NCAPH2: variants seen among roughly 807,000 people sequenced by gnomAD.
The protein encoded by NCAPH2 is non-SMC condensin II complex subunit H2, also known as condensin-2 complex subunit H2.
A neutral mutation model predicts 88.6 loss-of-function variants in NCAPH2; 56 were observed. That is an observed-to-expected ratio of 0.63 (90% CI 0.51 to 0.79). The LOEUF is 0.79. NCAPH2 is among the 30% of genes least tolerant of loss of function. The pLI, the probability that NCAPH2 is intolerant of heterozygous loss-of-function variation, is 0.00. For missense variants in NCAPH2, 794 were observed against 792.0 expected, an observed-to-expected ratio of 1.00 and a Z score of -0.03; for synonymous variants, 378 against 313.6, an observed-to-expected ratio of 1.21 and a Z score of -2.17.
chr22:50,517,676 C>T lies in NCAPH2; in HGVS notation c.351+15C>T. 1.2e-6 allele frequency: 2 copies of T among 1,614,146 alleles called. No individual in the cohort carries two copies. Among genetic ancestry groups the T allele is most frequent in the East Asian group, 2.2e-5 (1 of 44,888 alleles). ...CAGAGAATGAGGTGAGTTTCTTTGG[C>T]ATGTGGTCCCCGCCCACTGTGTGTT... is the stretch of plus-strand genomic sequence containing the variant. On this transcript the variant is annotated intron_variant, in intron 4 of 19. Coordinates refer to ENST00000420993, the MANE Select transcript of NCAPH2 (RefSeq NM_152299.4).
In NCAPH2 at chr22:50,511,492, CGT is replaced by C. The variant is rs1243992430; in HGVS notation, c.108+3050_108+3051del. 6.3e-5 allele frequency among the ~76,000 whole-genome samples: 9 copies of C among 141,758 alleles called. No individual in the cohort carries two copies. The South Asian group carries it at 1.7e-3, about 27-fold the overall frequency. The allele number at this position is 141,758 out of a possible 152,430, so 93.0% of individuals were successfully genotyped here. A position where few individuals can be genotyped will look rare whatever the true frequency, so the allele number is the denominator to read the frequency against. On this transcript the variant is annotated intron_variant, in intron 1 of 19. Transcript: ENST00000420993. ...TTTTTTAGTAGAGACGGGGTTTCAC[CGT>C]GTTAGCCAGGATGGTCTCGATCTCC...
rs1345914668 is a variant in NCAPH2, at chr22:50,523,349, G to A, written c.1792G>A (p.Ala598Thr). The A allele has an allele frequency of 4.5e-6, 7 of 1,557,942 alleles. No homozygotes were observed. Among genetic ancestry groups the A allele is most frequent in the African/African-American group, 2.7e-5 (2 of 73,442 alleles). ...AGCGCACAAGCGCTTCCAGACCTAC[G>A]CTGCCCCCTCCATGGCCCAGCCCTG... ...QRAHKRFQTY[A>T]APSMAQP Residue 598 changes from alanine (A) to threonine (T), a missense_variant, in exon 20 of 20, where the codon GCT becomes ACT. Around this residue, in one of 2 missense-constraint regions of NCAPH2, gnomAD observed 735 missense variants for 696.3 expected, o/e 1.06. Coordinates refer to ENST00000420993, the MANE Select transcript of NCAPH2 (RefSeq NM_152299.4).
At chr22:50,516,601 G>A in intron 2 of NCAPH2, 53 bp downstream of exon 2, 5 of 1,545,602 alleles carry the variant, frequency 3.2e-6, no homozygotes, top group Non-Finnish European at 4.5e-6. Context: ...TGGGACCACA[G>A]TCGGCTCTCC....
Position 50,516,501 on chromosome 22 carries a change from G to A in NCAPH2, c.163G>A (p.Glu55Lys). ...AGGCAAGACCACAATGAACTTCATTGAGGCAGCGTTGTTGATCCAGGGCTC... is the reference window on the plus strand; with the variant it reads ...AGGCAAGACCACAATGAACTTCATTAAGGCAGCGTTGTTGATCCAGGGCTC... ...DEGKTTMNFI[E>K]AALLIQGSAC... Residue 55 changes from glutamate to lysine, a missense_variant, in exon 2 of 20, where the codon GAG becomes AAG. Glu to Lys is a moderately conservative substitution (Grantham distance 56, BLOSUM62 1). Around this residue, in one of 2 missense-constraint regions of NCAPH2, gnomAD observed 59 missense variants for 95.7 expected, o/e 0.62. Transcript: ENST00000420993. The A allele has an allele frequency of 1.2e-6, 2 of 1,614,210 alleles. No homozygotes were observed. Among genetic ancestry groups the A allele is most frequent in the Non-Finnish European group, 1.7e-6 (2 of 1,180,036 alleles).
At chr22:50,512,786 T>C (rs1384106820) in intron 1 of NCAPH2, among the ~76,000 whole-genome samples, 1 of 152,178 alleles carries the variant, frequency 6.6e-6, no homozygotes, top group Non-Finnish European at 1.5e-5. Flanking sequence ...GCTCAAGTGA[T>C]CCACCTGCCT....
chr22:50,517,781 T>A lies in NCAPH2; in HGVS notation c.392T>A (p.Val131Glu). ...LDDFPDSRTN[V>E]DLKNDQTPSE... ...GACTTCCCTGACTCCCGGACTAACG[T>A]GGATCTCAAGAATGATCAGACGCCC... is the stretch of plus-strand genomic sequence containing the variant. Residue 131 changes from valine to glutamate, a missense_variant, in exon 5 of 20, where the codon GTG (valine) becomes GAG (glutamate). Transcript: ENST00000420993. The A allele has an allele frequency of 6.2e-7, 1 of 1,613,942 alleles. No homozygotes were observed.
chr22:50,513,800 TCA>T (rs1354669728), intron 1 of NCAPH2, among the ~76,000 whole-genome samples: 3 of 151,966 alleles, frequency 2.0e-5, no homozygotes, highest in African/African-American at 7.2e-5. Flanking sequence ...ACCGAAAAAA[TCA>T]CCAGAAACTT....
chr22:50,524,505 C>T lies in NCAPH2; in HGVS notation c.*1130C>T, dbSNP rs1325970507. On this transcript the variant is annotated 3_prime_UTR_variant, in exon 20 of 20. Transcript: ENST00000420993. ...GGCTGCCCCTGCGACTTGAGACCAGCCACCCATCTGAAGGACCCAGCCCAC... is the reference window on the plus strand; with the variant it reads ...GGCTGCCCCTGCGACTTGAGACCAGTCACCCATCTGAAGGACCCAGCCCAC... 15 of 1,331,794 alleles carry T rather than the reference C, an allele frequency of 1.1e-5. No homozygotes were observed. The East Asian group carries it at 3.0e-4, about 26-fold the overall frequency. 82.5% of individuals were successfully genotyped at this position (1,331,794 alleles called of 1,614,324 possible).
At position 50,522,490 on chromosome 22, in the gene NCAPH2, C is replaced by T. The variant is rs1263674558; in HGVS notation, c.1307-11C>T. 1.2e-6 allele frequency: 2 copies of T among 1,613,730 alleles called. No individual in the cohort carries two copies. Among genetic ancestry groups the T allele is most frequent in the East Asian group, 2.2e-5 (1 of 44,884 alleles). ...TGCCTGCGTGCTGTTCACTCTCCCACCTCCCAGCAGATGACTTTCTAGAGC... is the reference window on the plus strand; with the variant it reads ...TGCCTGCGTGCTGTTCACTCTCCCATCTCCCAGCAGATGACTTTCTAGAGC... On this transcript the variant is annotated splice_polypyrimidine_tract_variant and intron_variant, in intron 15 of 19. Transcript: ENST00000420993.
Position 50,519,179 on chromosome 22 carries a change from TC to T in NCAPH2, c.731-8del. The stretch of plus-strand genomic sequence containing the variant: ...TCCTTGGAGCTGATCACTCTCTTGC[TC>T]CCTGCCTAGGCCCCTCTCCAGAAGG... On this transcript the variant is annotated splice_polypyrimidine_tract_variant and intron_variant, in intron 8 of 19. Coordinates refer to ENST00000420993, the MANE Select transcript of NCAPH2 (RefSeq NM_152299.4). 1 of 1,601,716 alleles carries T rather than the reference TC, an allele frequency of 6.2e-7. No individual in the cohort carries two copies. Among genetic ancestry groups the T allele is most frequent in the Non-Finnish European group, 8.5e-7 (1 of 1,175,386 alleles).
intron 9 of NCAPH2, chr22:50,519,669 C>T: frequency 8.8e-7 from 1 of 1,130,482 alleles, no homozygotes; most frequent in Non-Finnish European, 1.1e-6. Flanking sequence ...CCATTGCTGC[C>T]TCCCTCAACC....
At chr22:50,515,803 A>T in intron 1 of NCAPH2, 3 of 1,295,236 alleles carry the variant, frequency 2.3e-6, no homozygotes, top group Non-Finnish European at 3.0e-6. Context: ...GTGTTTGGGG[A>T]CATTTGAATG....
At position 50,522,709 on chromosome 22, in the gene NCAPH2, C is replaced by T. The variant is rs2069145254; in HGVS notation, c.1414C>T (p.Arg472Ter). The T allele has an allele frequency of 3.1e-6, 5 of 1,613,276 alleles. No individual in the cohort carries two copies. The highest frequency in any genetic ancestry group is 1.3e-5 in the African/African-American group (1 of 74,818). The change falls in exon 17 of 20, where the codon CGA becomes TGA. Residue 472 changes from arginine (R) to a stop codon, truncating the protein, a stop_gained. Coordinates refer to ENST00000420993, the MANE Select transcript of NCAPH2 (RefSeq NM_152299.4). LOFTEE classifies it high-confidence loss of function. ...GTCCCTGAGCTACGAGGAGCTGGTT[C>T]GAAGGAATGTGGTAGGCCTGGGTTA... ...PMSLSYEELV[R>*]RNVELFIATS... is the part of the protein sequence containing the mutation.
intron 1 of NCAPH2, among the ~76,000 whole-genome samples, chr22:50,513,792 C>T (rs977377273): frequency 3.3e-5 from 5 of 151,974 alleles, no homozygotes; most frequent in Non-Finnish European, 7.4e-5. Context: ...ACCAACCAAC[C>T]GAAAAAATCA....
At position 50,518,719 on chromosome 22, in the gene NCAPH2, C is replaced by T. The variant is rs2068998969; in HGVS notation, c.717C>T (p.Phe239=). 1.2e-6 allele frequency: 2 copies of T among 1,605,568 alleles called. No homozygotes were observed. Among genetic ancestry groups the T allele is most frequent in the Admixed American group, 3.4e-5 (2 of 59,108 alleles). ...VCRSPVPALG[F]SQEPGPSPEG... ...GGAGCCCTGTCCCAGCACTCGGCTT[C>T]TCCCAGGAGCCAGGTGAGAAGAGAG... Residue 239 remains phenylalanine (F), a synonymous_variant, in exon 8 of 20, where the codon TTC becomes TTT. Coordinates refer to ENST00000420993, the MANE Select transcript of NCAPH2 (RefSeq NM_152299.4).
rs2068819784 is a variant in NCAPH2, at chr22:50,512,753, C to T, written c.109-3694C>T. 1.3e-5 allele frequency among the ~76,000 whole-genome samples: 2 copies of T among 151,912 alleles called. 1 individual carries two copies. Among genetic ancestry groups the T allele is most frequent in the South Asian group, 4.2e-4 (2 of 4,818 alleles). Reference sequence around the variant, plus strand: ...TAGAGATGGGGTGTCACTGTGTTGCCCAGGCTGTTCTCAAACTCCCAAGCT... The same window carrying T: ...TAGAGATGGGGTGTCACTGTGTTGCTCAGGCTGTTCTCAAACTCCCAAGCT... On this transcript the variant is annotated intron_variant, in intron 1 of 19. Transcript: ENST00000420993.
At chr22:50,517,375 TG>T in intron 2 of NCAPH2, 51 bp from the exon 3 acceptor site, 5 of 1,596,440 alleles carry the variant, frequency 3.1e-6, no homozygotes, top group Non-Finnish European at 4.3e-6. Flanking sequence ...GGGAAGGCCT[TG>T]GGGGTGGGCC....
At chr22:50,516,082 T>C (rs908162284) in intron 1 of NCAPH2, among the ~76,000 whole-genome samples, 4 of 152,124 alleles carry the variant, frequency 2.6e-5, no homozygotes, top group African/African-American at 9.7e-5. Flanking sequence ...CCTCAGCATT[T>C]TATCTCTGCC....
At position 50,522,528 on chromosome 22, in the gene NCAPH2, T is replaced by C. The variant is rs2148668429; in HGVS notation, c.1334T>C (p.Met445Thr). 6.2e-7 allele frequency: 1 copy of C among 1,613,488 alleles called. No individual in the cohort carries two copies. Among genetic ancestry groups the C allele is most frequent in the Non-Finnish European group, 8.5e-7 (1 of 1,179,898 alleles). ...GACTTTCTAGAGCCTGAGGAGTACA[T>C]GGAGCCCGAGGGAGCAGACCCCAGG... ...ADDFLEPEEY[M>T]EPEGADPREA... is the part of the protein sequence containing the mutation. The change falls in exon 16 of 20, where the codon ATG becomes ACG. Residue 445 changes from methionine to threonine, a missense_variant. Coordinates refer to ENST00000420993, the MANE Select transcript of NCAPH2 (RefSeq NM_152299.4).
Sources: gnomAD v4.1 joint callset for allele counts (sites outside exome capture counted in the v4.1 genomes callset) on GRCh38, gnomAD v4.1.1 for gene constraint, gnomAD v4.1.1 regional missense constraint, MANE v1.5 for transcripts, NCBI Gene and HGNC (gene_info 2026-07-23, HGNC 2026-07-21) for gene names.